BCHE: variants seen among roughly 807,000 people sequenced by gnomAD.
BCHE encodes the protein cholinesterase.
Under a neutral mutation model 51.3 loss-of-function variants are expected in BCHE, and 48 were observed. The ratio of observed to expected loss-of-function variants is 0.94; its 90% CI spans 0.74 to 1.19. The LOEUF is 1.19. Ranked by LOEUF, BCHE falls within the 50% of genes most tolerant of loss-of-function variation. The pLI is 0.00. For synonymous variants in BCHE, 251 were observed against 238.0 expected (o/e 1.05, Z -0.50); for missense variants, 847 against 708.2 (o/e 1.20, Z -2.23).
At chr3:165,829,322 T>A (rs1714854932) in intron 2 of BCHE, among the ~76,000 whole-genome samples, 195 bp downstream of exon 2, 1 of 152,122 alleles carries the variant, frequency 6.6e-6, no homozygotes, top group African/African-American at 2.4e-5. Context: ...ATTTCTAAGA[T>A]GATGATTTAA....
At chr3:165,776,628 A>T (rs1712481525) in intron 3 of BCHE, among the ~76,000 whole-genome samples, 1 of 151,906 alleles carries the variant, frequency 6.6e-6, no homozygotes, top group Admixed American at 6.6e-5. Context: ...TAATTTTAGA[A>T]ATAAAGAACC....
intron 2 of BCHE, among the ~76,000 whole-genome samples, chr3:165,823,824 C>G (rs1326279038): frequency 2.6e-5 from 4 of 151,962 alleles, no homozygotes; most frequent in Non-Finnish European, 5.9e-5. Context: ...GTGCCCTGAT[C>G]ATAGTCCACT....
chr3:165,779,941 C>T (rs974978381), intron 3 of BCHE, among the ~76,000 whole-genome samples: 6 of 151,996 alleles, frequency 3.9e-5, no homozygotes, highest in Non-Finnish European at 8.8e-5. Context: ...CAAAAAAGAG[C>T]CTGCATAGCA....
chr3:165,805,683 T>G (rs908544863), intron 2 of BCHE, among the ~76,000 whole-genome samples: 40 of 152,176 alleles, frequency 2.6e-4, no homozygotes, highest in African/African-American at 9.4e-4. Context: ...TTTTTAATCT[T>G]TACCAATCTT....
At chr3:165,794,064 T>A (rs1024330899) in intron 2 of BCHE, among the ~76,000 whole-genome samples, 2 of 150,876 alleles carry the variant, frequency 1.3e-5, no homozygotes, top group South Asian at 2.1e-4. Context: ...AAAAAAAAAA[T>A]ACACAGATTT....
chr3:165,776,252 A>G (rs1430994423), intron 3 of BCHE, among the ~76,000 whole-genome samples: 1 of 151,978 alleles, frequency 6.6e-6, no homozygotes, highest in Non-Finnish European at 1.5e-5. Flanking sequence ...TAATGCTCAA[A>G]CAATGTAAGT....
chr3:165,814,597 C>G (rs1484566129), intron 2 of BCHE, among the ~76,000 whole-genome samples: 1 of 151,998 alleles, frequency 6.6e-6, no homozygotes, highest in African/African-American at 2.4e-5. Flanking sequence ...TGCAGCTTGT[C>G]CCTAGAGTCC....
At chr3:165,813,067 A>T (rs1247411533) in intron 2 of BCHE, among the ~76,000 whole-genome samples, 3 of 151,492 alleles carry the variant, frequency 2.0e-5, no homozygotes, top group Admixed American at 2.0e-4. Context: ...TTTTCCTATC[A>T]GGATAATTGT....
chr3:165,795,947 GAGAGGAGA>G (rs1037215023), intron 2 of BCHE, among the ~76,000 whole-genome samples: 7 of 152,016 alleles, frequency 4.6e-5, no homozygotes, highest in African/African-American at 1.7e-4. Context: ...AAAGGGAGAG[GAGAGGAGA>G]AGAGGAGAAG....
intron 2 of BCHE, among the ~76,000 whole-genome samples, chr3:165,791,929 G>A (rs919635547): frequency 3.7e-5 from 5 of 135,658 alleles, no homozygotes; most frequent in African/African-American, 1.7e-4. Context: ...CCTGGGTGAC[G>A]GAGCGAGGCT....
intron 2 of BCHE, among the ~76,000 whole-genome samples, chr3:165,798,842 C>T (rs1298851367): frequency 6.6e-6 from 1 of 151,798 alleles, no homozygotes; most frequent in Admixed American, 6.6e-5. Context: ...AAGAAGTAAG[C>T]AGTCTTCTCA....
intron 2 of BCHE, among the ~76,000 whole-genome samples, chr3:165,813,740 G>C (rs190971083): frequency 1.7e-3 from 264 of 151,892 alleles, no homozygotes; most frequent in African/African-American, 6.2e-3. Context: ...ATATTTAGTA[G>C]ATAATCATTT....
intron 2 of BCHE, among the ~76,000 whole-genome samples, chr3:165,811,793 C>T (rs1322679826): frequency 6.6e-6 from 1 of 151,684 alleles, no homozygotes; most frequent in African/African-American, 2.4e-5. Flanking sequence ...AGTACTGAGC[C>T]CAGTGAGGAT....
At chr3:165,800,202 G>A (rs2108213432) in intron 2 of BCHE, among the ~76,000 whole-genome samples, 1 of 152,034 alleles carries the variant, frequency 6.6e-6, no homozygotes, top group South Asian at 2.1e-4. Flanking sequence ...TTGAAGTAAT[G>A]TTGTCTAATC....
At position 165,815,346 on chromosome 3, in the gene BCHE, G is replaced by A. The variant is rs567947740; in HGVS notation, c.1517+14171C>T. 1.0e-3 allele frequency among the ~76,000 whole-genome samples: 153 copies of A among 151,958 alleles called. 1 individual carries two copies. The highest frequency in any genetic ancestry group is 3.5e-3 in the African/African-American group (147 of 41,506). On this transcript the variant is annotated intron_variant, in intron 2 of 3. Coordinates refer to ENST00000264381, the MANE Select transcript of BCHE (RefSeq NM_000055.4). ...CTAATAGAGAGGGAGCAAAGTTTAG[G>A]GAAGATGGATCTGGGTTCCTCCATC... is the stretch of plus-strand genomic sequence containing the variant.
At position 165,778,461 on chromosome 3, in the gene BCHE, G is replaced by A. The variant is rs933685655; in HGVS notation, c.1685-4955C>T. ...ATGAATCAATAACCAGAACATATCA[G>A]TTTCTCATTTAAAATTACTAAATGG... is the stretch of plus-strand genomic sequence containing the variant. On this transcript the variant is annotated intron_variant, in intron 3 of 3. Coordinates refer to ENST00000264381, the MANE Select transcript of BCHE (RefSeq NM_000055.4). The A allele has an allele frequency of 3.7e-5, 8 of 217,828 alleles. No individual in the cohort carries two copies. In the South Asian group the frequency reaches 5.4e-4, roughly 15 times the overall value. The allele number at this position is 217,828 out of a possible 1,614,324, so 13.5% of individuals were successfully genotyped here.
Position 165,829,644 on chromosome 3 carries a change from C to A in BCHE, c.1390G>T (p.Val464Leu). Residue 464 changes from valine (V) to leucine (L), a missense_variant, in exon 2 of 4, where the codon GTG (valine) becomes TTG (leucine). Transcript: ENST00000264381. ...AATTCAATTTCATAGCCATGCATCA[C>A]TCCCATCCATTCTGGCCACGGAAGT... Reference protein sequence around the residue: ...SKLPWPEWMGVMHGYEIEFVF... With the variant: ...SKLPWPEWMGLMHGYEIEFVF... 1.2e-6 allele frequency: 2 copies of A among 1,613,872 alleles called. No homozygotes were observed. The highest frequency in any genetic ancestry group is 1.7e-6 in the Non-Finnish European group (2 of 1,179,870).
At chr3:165,778,252 A>G (rs1388866640) in intron 3 of BCHE, 1 of 152,790 alleles carries the variant, frequency 6.5e-6, no homozygotes, top group African/African-American at 2.4e-5. Flanking sequence ...AAATAAATAT[A>G]AGAGAAGTGA....
chr3:165,831,035 T>C lies in BCHE; in HGVS notation c.-2A>G. 1.2e-6 allele frequency: 2 copies of C among 1,609,288 alleles called. No individual in the cohort carries two copies. The highest frequency in any genetic ancestry group is 1.7e-6 in the Non-Finnish European group (2 of 1,178,164). ...TATGATTGTGACTTTGCTATGCATA[T>C]TGATTTCTGAAAGAGAGGTAAGTAT... is the stretch of plus-strand genomic sequence containing the variant. On this transcript the variant is annotated 5_prime_UTR_variant, in exon 2 of 4. Coordinates refer to ENST00000264381, the MANE Select transcript of BCHE (RefSeq NM_000055.4).
Sources: gnomAD v4.1 joint callset for allele counts (sites outside exome capture counted in the v4.1 genomes callset) on GRCh38, gnomAD v4.1.1 for gene constraint, MANE v1.5 for transcripts, NCBI Gene and HGNC (gene_info 2026-07-23, HGNC 2026-07-21) for gene names.